HSD17B14: variants seen among roughly 807,000 people sequenced by gnomAD.
HSD17B14 encodes the protein hydroxysteroid 17-beta dehydrogenase 14, also known as L-fucose dehydrogenase.
A neutral mutation model predicts 32.2 loss-of-function variants in HSD17B14; 32 were observed. The observed-to-expected ratio is 0.99, with a 90% CI of 0.75 to 1.33. The LOEUF (loss-of-function observed/expected upper bound fraction) is 1.33. Ranked by LOEUF, HSD17B14 falls within the 40% of genes most tolerant of loss-of-function variation. The pLI, the probability that HSD17B14 is intolerant of heterozygous loss-of-function variation, is 0.00. For missense variants in HSD17B14, 370 were observed against 366.5 expected (o/e 1.01, Z -0.08); for synonymous variants, 140 against 155.4 (o/e 0.90, Z 0.74).
At chr19:48,822,028 GTGGTGA>G (rs1481415514) in intron 5 of HSD17B14, among the ~76,000 whole-genome samples, 1 of 151,408 alleles carries the variant, frequency 6.6e-6, no homozygotes, top group Non-Finnish European at 1.5e-5. Context: ...GATGGTGATG[GTGGTGA>G]TGGTGATGAT....
chr19:48,827,408 G>A (rs560291631), intron 5 of HSD17B14, among the ~76,000 whole-genome samples: 36 of 152,066 alleles, frequency 2.4e-4, no homozygotes, highest in Non-Finnish European at 4.4e-4. Flanking sequence ...TGTTGCTGGT[G>A]CTATATAACT....
chr19:48,832,898 C>G (rs3760787), intron 3 of HSD17B14, 166 bp from the exon 4 acceptor site: 2 of 618,674 alleles, frequency 3.2e-6, no homozygotes, highest in Non-Finnish European at 5.7e-6. Context: ...GGATTACAGG[C>G]GACTGCCACC....
At chr19:48,819,093 A>G (rs1237195566) in intron 5 of HSD17B14, among the ~76,000 whole-genome samples, 3 of 152,122 alleles carry the variant, frequency 2.0e-5, no homozygotes, top group African/African-American at 7.2e-5. Context: ...GGTTCAAGCA[A>G]TTCTTCTGCC....
intron 6 of HSD17B14, among the ~76,000 whole-genome samples, chr19:48,814,668 C>T (rs1017988788): frequency 2.0e-5 from 3 of 150,244 alleles, no homozygotes; most frequent in Admixed American, 2.0e-4. Flanking sequence ...GGTGAAACCC[C>T]GTCTCTACTA....
intron 3 of HSD17B14, among the ~76,000 whole-genome samples, chr19:48,833,460 G>A (rs991415451): frequency 3.9e-5 from 6 of 152,306 alleles, no homozygotes; most frequent in Middle Eastern, 3.4e-3. Flanking sequence ...GGGAGGCTGA[G>A]GTGGGCGGAT....
chr19:48,816,546 G>A (rs1235229176), intron 5 of HSD17B14, among the ~76,000 whole-genome samples: 4 of 152,098 alleles, frequency 2.6e-5, no homozygotes, highest in African/African-American at 9.7e-5. Context: ...GGTATTTTCA[G>A]TCCACAGTGT....
intron 5 of HSD17B14, among the ~76,000 whole-genome samples, chr19:48,817,047 A>ATAT (rs900114222): frequency 7.9e-6 from 1 of 126,372 alleles, no homozygotes; most frequent in Non-Finnish European, 1.6e-5. Flanking sequence ...GGGTTTCACT[A>ATAT]TATTAGCCAG....
intron 5 of HSD17B14, among the ~76,000 whole-genome samples, chr19:48,816,388 C>T (rs1260578784): frequency 2.6e-5 from 4 of 152,178 alleles, no homozygotes; most frequent in Admixed American, 2.0e-4. Flanking sequence ...GCTGTATCTT[C>T]GACACACCCT....
In HSD17B14 at chr19:48,816,057, T is replaced by G. The variant is rs1021738872; in HGVS notation, c.370-916A>C. ...AAAAAAAAAAAAGAAATGCACTGTT[T>G]CCTGCCACCGTTTCTCCTGCAATTC... On this transcript the variant is annotated intron_variant, in intron 5 of 8. Coordinates refer to ENST00000263278, the MANE Select transcript of HSD17B14 (RefSeq NM_016246.3). Among the ~76,000 whole-genome samples, 154 of 151,740 alleles carry G rather than the reference T, an allele frequency of 1.0e-3. 2 individuals are homozygous for G. Among genetic ancestry groups the G allele is most frequent in the Admixed American group, 2.5e-3 (38 of 15,208 alleles).
rs561043330 is a variant in HSD17B14 at position 48,824,193 on chromosome 19, T to C, written c.369+7475A>G. 8.6e-4 allele frequency among the ~76,000 whole-genome samples: 14 copies of C among 16,314 alleles called. No individual in the cohort carries two copies. In the South Asian group the frequency reaches 0.014, roughly 16 times the overall value. 10.7% of individuals were successfully genotyped at this position (16,314 alleles called of 152,430 possible). ...GGCTTGAACCCAGGAAGGCAGAGGT[T>C]GCAGTGAGCCAAGATCATGCCATTG... On this transcript the variant is annotated intron_variant, in intron 5 of 8. Coordinates refer to ENST00000263278, the MANE Select transcript of HSD17B14 (RefSeq NM_016246.3).
At chr19:48,833,587 G>A (rs890124153) in intron 3 of HSD17B14, among the ~76,000 whole-genome samples, 2 of 151,958 alleles carry the variant, frequency 1.3e-5, no homozygotes, top group African/African-American at 4.8e-5. Context: ...AGCACTTTGG[G>A]AGGCTGAGGC....
intron 5 of HSD17B14, among the ~76,000 whole-genome samples, chr19:48,827,696 C>T (rs749734330): frequency 6.6e-6 from 1 of 151,704 alleles, no homozygotes; most frequent in Non-Finnish European, 1.5e-5. Flanking sequence ...CACCACCATG[C>T]CCAGCTAATT....
chr19:48,829,675 C>T (rs915744812), intron 5 of HSD17B14, among the ~76,000 whole-genome samples: 1 of 106,672 alleles, frequency 9.4e-6, no homozygotes, highest in African/African-American at 3.9e-5. Context: ...GGAGTTTCCG[C>T]TCTTATTGCC....
At position 48,816,773 on chromosome 19, in the gene HSD17B14, G is replaced by T. The variant is rs1599825572; in HGVS notation, c.370-1632C>A. 4.1e-5 allele frequency among the ~76,000 whole-genome samples: 3 copies of T among 73,562 alleles called. No homozygotes were observed. The East Asian group carries it at 1.1e-3, about 27-fold the overall frequency. 48.3% of individuals were successfully genotyped at this position (73,562 alleles called of 152,430 possible). On this transcript the variant is annotated intron_variant, in intron 5 of 8. Transcript: ENST00000263278. ...GAGGCCAGCATGGGCAGCTTAGCAA[G>T]ACCCTTTTTCTTTCTTTCTTTCTTT...
At chr19:48,813,625 C>G (rs748333829) in intron 7 of HSD17B14, 38 bp downstream of exon 7, 3 of 1,612,752 alleles carry the variant, frequency 1.9e-6, no homozygotes, top group Admixed American at 3.3e-5. Flanking sequence ...TCACCCCAGT[C>G]CCCCCAGGAG....
At chr19:48,823,112 C>A (rs4362484) in intron 5 of HSD17B14, among the ~76,000 whole-genome samples, 1 of 152,074 alleles carries the variant, frequency 6.6e-6, no homozygotes, top group Non-Finnish European at 1.5e-5. Context: ...TTGGGAACTT[C>A]TGGGTGTATT....
At chr19:48,825,863 C>T (rs2035234913) in intron 5 of HSD17B14, among the ~76,000 whole-genome samples, 3 of 152,048 alleles carry the variant, frequency 2.0e-5, no homozygotes, top group Admixed American at 1.3e-4. Context: ...CTCTGTCACC[C>T]AGGCTGGAGT....
At chr19:48,821,806 G>A (rs1357457727) in intron 5 of HSD17B14, among the ~76,000 whole-genome samples, 2 of 151,804 alleles carry the variant, frequency 1.3e-5, no homozygotes, top group African/African-American at 4.8e-5. Context: ...TCGTAGTGAT[G>A]ATGATGGTGA....
chr19:48,826,993 T>A (rs2035261628), intron 5 of HSD17B14, among the ~76,000 whole-genome samples: 1 of 151,260 alleles, frequency 6.6e-6, no homozygotes, highest in South Asian at 2.1e-4. Flanking sequence ...GGCAGCTCTG[T>A]CCGGTCAGTT....
Sources: gnomAD v4.1 joint callset for allele counts (sites outside exome capture counted in the v4.1 genomes callset) on GRCh38, gnomAD v4.1.1 for gene constraint, MANE v1.5 for transcripts, NCBI Gene and HGNC (gene_info 2026-07-23, HGNC 2026-07-21) for gene names.